CAST: variants seen among roughly 807,000 people sequenced by gnomAD.
CAST encodes MIR583 host.
Under a neutral mutation model 119.6 loss-of-function variants are expected in CAST, and 76 were observed. The ratio of observed to expected loss-of-function variants is 0.64; its 90% CI spans 0.53 to 0.77. The LOEUF is 0.77. Ranked by LOEUF, CAST falls within the 30% of genes least tolerant of loss-of-function variation. CAST has a pLI of 0.00. For missense variants in CAST, 953 were observed against 946.5 expected, an observed-to-expected ratio of 1.01 and a Z score of -0.09; for synonymous variants, 319 against 331.6, an observed-to-expected ratio of 0.96 and a Z score of 0.41.
chr5:96,565,377 CAT>C (rs148705531), intron 1 of CAST, among the ~76,000 whole-genome samples: 12 of 151,178 alleles, frequency 7.9e-5, no homozygotes, highest in East Asian at 3.9e-4. Flanking sequence ...ATTGTACCCA[CAT>C]ATATATATAT....
intron 3 of CAST, among the ~76,000 whole-genome samples, chr5:96,701,007 A>G (rs1753821088): frequency 6.6e-6 from 1 of 151,862 alleles, no homozygotes; most frequent in African/African-American, 2.4e-5. Context: ...GCTCACTGCA[A>G]CCTCCACCTT....
the CAST span, among the ~76,000 whole-genome samples, chr5:96,095,257 C>T: frequency 6.6e-6 from 1 of 151,988 alleles, no homozygotes; most frequent in East Asian, 1.9e-4. Context: ...GTTTCTTGAT[C>T]AGCTTGTCTT....
chr5:96,568,564 CAAAAA>C (rs70981830), intron 1 of CAST, among the ~76,000 whole-genome samples: 2 of 70,916 alleles, frequency 2.8e-5, no homozygotes, highest in Non-Finnish European at 4.9e-5. Flanking sequence ...GACTCCATCT[CAAAAA>C]AAAAAAAAAA....
At chr5:96,388,413 G>A in the CAST span, among the ~76,000 whole-genome samples, 1 of 152,146 alleles carries the variant, frequency 6.6e-6, no homozygotes, top group African/African-American at 2.4e-5. Context: ...CAGGCTTAAG[G>A]GGCAGTAGCT....
chr5:96,346,793 A>C, the CAST span, among the ~76,000 whole-genome samples: 1 of 152,112 alleles, frequency 6.6e-6, no homozygotes, highest in Non-Finnish European at 1.5e-5. Flanking sequence ...ATCTGTCATA[A>C]GTTGGCTTCC....
At chr5:96,637,645 A>G (rs1228118896) in intron 1 of CAST, among the ~76,000 whole-genome samples, 2 of 152,208 alleles carry the variant, frequency 1.3e-5, no homozygotes, top group African/African-American at 4.8e-5. Context: ...TAGGGTAAAG[A>G]TACCTTCCCA....
the CAST span, among the ~76,000 whole-genome samples, chr5:96,402,040 C>T: frequency 1.3e-5 from 2 of 152,166 alleles, no homozygotes; most frequent in African/African-American, 4.8e-5. Flanking sequence ...GTTTTTACTC[C>T]TCAAGGTTCC....
chr5:96,268,869 G>A, the CAST span, among the ~76,000 whole-genome samples: 1 of 152,138 alleles, frequency 6.6e-6, no homozygotes, highest in South Asian at 2.1e-4. Context: ...CATGTGTAGG[G>A]GAGAGACCAA....
At chr5:96,061,988 A>G in the CAST span, among the ~76,000 whole-genome samples, 1 of 152,080 alleles carries the variant, frequency 6.6e-6, no homozygotes, top group Non-Finnish European at 1.5e-5. Context: ...ATATGGCGCC[A>G]TCCCTCAAGA....
At chr5:96,025,576 G>A in the CAST span, among the ~76,000 whole-genome samples, 3 of 152,148 alleles carry the variant, frequency 2.0e-5, no homozygotes, top group Admixed American at 2.0e-4. Flanking sequence ...GGATAAAATG[G>A]TGAGTCAAAC....
At chr5:96,412,309 G>A in the CAST span, 1 of 1,612,072 alleles carries the variant, frequency 6.2e-7, no homozygotes, top group South Asian at 1.1e-5. Flanking sequence ...TCTGTGTAAA[G>A]CATCTTACCT....
the CAST span, among the ~76,000 whole-genome samples, chr5:96,362,799 A>C: frequency 1.3e-5 from 2 of 152,028 alleles, no homozygotes; most frequent in African/African-American, 4.8e-5. Flanking sequence ...GTTCACTCTG[A>C]TGGTAGTTTC....
chr5:96,216,334 C>T, the CAST span, among the ~76,000 whole-genome samples: 1 of 152,052 alleles, frequency 6.6e-6, no homozygotes, highest in Non-Finnish European at 1.5e-5. Flanking sequence ...CAAGGGTTAA[C>T]TATATATGAA....
chr5:95,999,707 A>G, the CAST span, among the ~76,000 whole-genome samples: 29 of 152,210 alleles, frequency 1.9e-4, no homozygotes, highest in Non-Finnish European at 2.9e-4. Flanking sequence ...TAATTCTGCT[A>G]TGAACATTCT....
At chr5:96,383,085 A>G in the CAST span, among the ~76,000 whole-genome samples, 1 of 152,160 alleles carries the variant, frequency 6.6e-6, no homozygotes, top group South Asian at 2.1e-4. Flanking sequence ...AGACAGCTAT[A>G]AACAACTGGT....
At chr5:96,477,477 C>G in the CAST span, among the ~76,000 whole-genome samples, 1 of 152,330 alleles carries the variant, frequency 6.6e-6, no homozygotes, top group East Asian at 1.9e-4. Context: ...TCAGCAACCA[C>G]TTTCACAATT....
intron 1 of CAST, among the ~76,000 whole-genome samples, chr5:96,648,717 CGTGTGTGTGT>C (rs72068689): frequency 1.3e-5 from 2 of 148,810 alleles, no homozygotes; most frequent in South Asian, 2.1e-4. Flanking sequence ...TATATATATG[CGTGTGTGTGT>C]GTGTGTGTGT....
chr5:96,648,635 C>T (rs112069628), intron 1 of CAST, among the ~76,000 whole-genome samples: 91 of 152,112 alleles, frequency 6.0e-4, no homozygotes, highest in African/African-American at 2.0e-3. Context: ...TAATAACAAA[C>T]GTAATAGTTA....
chr5:96,701,618 A>G (rs1442038185), intron 3 of CAST, among the ~76,000 whole-genome samples: 1 of 152,124 alleles, frequency 6.6e-6, no homozygotes, highest in East Asian at 1.9e-4. Context: ...CAGCCTGGCC[A>G]ACATGGTGAA....
Sources: gnomAD v4.1 joint callset for allele counts (sites outside exome capture counted in the v4.1 genomes callset) on GRCh38, gnomAD v4.1.1 for gene constraint, MANE v1.5 for transcripts, NCBI Gene and HGNC (gene_info 2026-07-23, HGNC 2026-07-21) for gene names.